Variants in GREB1 observed in about 807,000 individuals in gnomAD.
GREB1 encodes the protein protein GREB1.
A neutral mutation model predicts 200.7 loss-of-function variants in GREB1; 106 were observed. The observed-to-expected ratio is 0.53, with a 90% CI of 0.45 to 0.62. The LOEUF is 0.62. GREB1 is among the 20% of genes least tolerant of loss of function. The probability of loss-of-function intolerance (pLI) is 0.00; values close to 1 mark genes in which losing one functional copy is unlikely to be tolerated. For missense variants in GREB1, 2,243 were observed against 2,556.8 expected (o/e 0.88, Z 2.65); for synonymous variants, 1,132 against 1,092.4 (o/e 1.04, Z -0.72).
intron 2 of GREB1, among the ~76,000 whole-genome samples, chr2:11,558,503 T>C (rs932546889): frequency 2.0e-5 from 3 of 152,168 alleles, no homozygotes; most frequent in African/African-American, 7.2e-5. Context: ...AGCTCCACGT[T>C]GGTATGAAAA....
intron 17 of GREB1, among the ~76,000 whole-genome samples, chr2:11,607,983 T>C (rs928774863): frequency 6.6e-6 from 1 of 152,180 alleles, no homozygotes; most frequent in Non-Finnish European, 1.5e-5. Context: ...AGTGTCTTCC[T>C]CTGTGCACTG....
Position 11,640,398 on chromosome 2 carries a change from A to G in GREB1, c.5794A>G (p.Thr1932Ala). The stretch of plus-strand genomic sequence containing the variant: ...GTTCCGGCTGCGCGATGAGTTCCAG[A>G]CCGCCAATGCCAGGGAAGACCGGCC... ...WQFRLRDEFQTANAREDRPLF... is the reference protein window; with the variant it reads ...WQFRLRDEFQAANAREDRPLF... Residue 1932 changes from threonine (T) to alanine (A), a missense_variant, in exon 33 of 33, where the codon ACC becomes GCC. Around this residue, in one of 3 missense-constraint regions of GREB1, gnomAD observed 478 missense variants for 616.3 expected, o/e 0.78. Transcript: ENST00000381486. This position sits in a 1 kb window ranked among gnomAD's most constrained non-coding sequence, Gnocchi z 4.6. 1 of 1,614,168 alleles carries G rather than the reference A, an allele frequency of 6.2e-7. No homozygotes were observed. Among genetic ancestry groups the G allele is most frequent in the Non-Finnish European group, 8.5e-7 (1 of 1,180,022 alleles).
intron 1 of GREB1, among the ~76,000 whole-genome samples, chr2:11,517,245 CGGT>C (rs1673537910): frequency 6.6e-6 from 1 of 152,150 alleles, no homozygotes; most frequent in Admixed American, 6.5e-5. Flanking sequence ...TTGTCTGAGT[CGGT>C]GTTGTGCAGT....
intron 1 of GREB1, among the ~76,000 whole-genome samples, chr2:11,484,938 C>T (rs1672617107): frequency 6.6e-6 from 1 of 152,218 alleles, no homozygotes; most frequent in Admixed American, 6.5e-5. Flanking sequence ...CTCCGCCTCC[C>T]GGGTTCACGC....
At chr2:11,586,623 G>A (rs892172236) in intron 9 of GREB1, among the ~76,000 whole-genome samples, 5 of 152,284 alleles carry the variant, frequency 3.3e-5, no homozygotes, top group East Asian at 1.9e-4. Context: ...CACACACACC[G>A]TGCACGCAGG....
chr2:11,515,377 A>G (rs1424078458), intron 1 of GREB1, among the ~76,000 whole-genome samples: 1 of 152,256 alleles, frequency 6.6e-6, no homozygotes, highest in Admixed American at 6.5e-5. Flanking sequence ...ATTAATGAAA[A>G]TGTCATTAAC....
rs776606673 is a variant in GREB1 at position 11,637,702 on chromosome 2, C to T, written c.5347-14C>T. The T allele has an allele frequency of 1.9e-6, 3 of 1,611,222 alleles. No homozygotes were observed. In the Admixed American group the frequency reaches 5.0e-5, roughly 27 times the overall value. On this transcript the variant is annotated splice_polypyrimidine_tract_variant and intron_variant, in intron 30 of 32. Transcript: ENST00000381486. Reference sequence around the variant, plus strand: ...TCAGGGCAGTAGTGGCCTGACACCCCCCTTCCCGTGCAGGTGTCTGATAAC... The same window carrying T: ...TCAGGGCAGTAGTGGCCTGACACCCTCCTTCCCGTGCAGGTGTCTGATAAC...
At chr2:11,631,613 C>T (rs1421472703) in intron 26 of GREB1, among the ~76,000 whole-genome samples, 2 of 152,194 alleles carry the variant, frequency 1.3e-5, no homozygotes, top group East Asian at 3.9e-4. Context: ...CTCAGCTGGG[C>T]TGTTCAGCTC....
intron 1 of GREB1, among the ~76,000 whole-genome samples, chr2:11,537,521 G>A (rs1449777723): frequency 6.6e-6 from 1 of 151,622 alleles, no homozygotes; most frequent in Non-Finnish European, 1.5e-5. Context: ...TATCCAGTAA[G>A]TGAAGATTCA....
Position 11,566,516 on chromosome 2 carries a change from C to T in GREB1, c.314C>T (p.Ser105Phe). 1 of 1,613,692 alleles carries T rather than the reference C, an allele frequency of 6.2e-7. No individual in the cohort carries two copies. The highest frequency in any genetic ancestry group is 8.5e-7 in the Non-Finnish European group (1 of 1,179,834). ...GCCGGGAAGGACCTGCGCCTTGTCT[C>T]CATTTCCAACGAGCCCATGGATGTC... ...CQAGKDLRLV[S>F]ISNEPMDVPA... is the part of the protein sequence containing the mutation. The change falls in exon 4 of 33, where the codon TCC becomes TTC. Residue 105 changes from serine to phenylalanine, a missense_variant. By Grantham distance (155) the Ser-to-Phe change is radical. Coordinates refer to ENST00000381486, the MANE Select transcript of GREB1 (RefSeq NM_014668.4).
intron 9 of GREB1, chr2:11,588,201 C>A: frequency 1.3e-6 from 1 of 793,190 alleles, no homozygotes; most frequent in Non-Finnish European, 1.5e-6. Context: ...TGCACTCCAG[C>A]CCGGGGACAG....
At chr2:11,630,473 C>T (rs1175125632) in intron 26 of GREB1, among the ~76,000 whole-genome samples, 1 of 152,200 alleles carries the variant, frequency 6.6e-6, no homozygotes, top group Non-Finnish European at 1.5e-5. Flanking sequence ...CGTTCATCCC[C>T]TCCCTGTCTT....
At chr2:11,585,702 G>T (rs1428314911) in intron 8 of GREB1, 60 bp from the exon 9 acceptor site, 4 of 1,591,792 alleles carry the variant, frequency 2.5e-6, no homozygotes, top group Non-Finnish European at 3.4e-6. Context: ...CCTGATGTCA[G>T]GTATGTGAGA....
chr2:11,632,335 CTTTT>C (rs567209224), intron 27 of GREB1, among the ~76,000 whole-genome samples: 5 of 112,184 alleles, frequency 4.5e-5, no homozygotes, highest in East Asian at 2.4e-4. Flanking sequence ...TTCTTTCTCT[CTTTT>C]TTTTTTTTTT....
At chr2:11,564,527 G>A (rs1368742119) in intron 3 of GREB1, among the ~76,000 whole-genome samples, 2 of 152,154 alleles carry the variant, frequency 1.3e-5, no homozygotes, top group African/African-American at 4.8e-5. Context: ...AAAAATAAAT[G>A]TTAAGAGGTA....
chr2:11,587,902 A>G (rs1430496100), intron 9 of GREB1: 2 of 998,618 alleles, frequency 2.0e-6, no homozygotes, highest in Non-Finnish European at 2.4e-6. Context: ...GACCTGGGCA[A>G]TTCCACCTCT....
intron 1 of GREB1, among the ~76,000 whole-genome samples, chr2:11,501,240 A>G (rs1673029805): frequency 6.6e-6 from 1 of 152,146 alleles, no homozygotes; most frequent in Admixed American, 6.5e-5. Context: ...ATGTCATGTC[A>G]TAGGTATTTT....
Position 11,593,077 on chromosome 2 carries a change from C to T in GREB1, c.1647C>T (p.Ile549=). 2.5e-6 allele frequency: 4 copies of T among 1,611,308 alleles called. No individual in the cohort carries two copies. Among genetic ancestry groups the T allele is most frequent in the Non-Finnish European group, 3.4e-6 (4 of 1,179,198 alleles). ...GKLAKTNYVV[I]ICACRSAAID... is the part of the protein sequence containing the mutation. ...TTGCCAAGACCAACTACGTGGTCAT[C>T]ATCTGCGCCTGCCGCAGCGCGGCCA... The change falls in exon 11 of 33, where the codon ATC becomes ATT. Residue 549 remains isoleucine (I), a synonymous_variant. Transcript: ENST00000381486.
At chr2:11,598,555 T>G in intron 14 of GREB1, 125 bp from the exon 15 acceptor site, 1 of 839,024 alleles carries the variant, frequency 1.2e-6, no homozygotes, top group South Asian at 1.6e-5. Context: ...TTCCTTTCCC[T>G]GCTCTTGCAT....
Sources: allele counts gnomAD v4.1 joint callset (sites outside exome capture counted in the v4.1 genomes callset), GRCh38; gene constraint gnomAD v4.1.1; regional missense constraint gnomAD v4.1.1; non-coding constraint Gnocchi (gnomAD v3.1); transcripts MANE v1.5; gene names NCBI Gene and HGNC (gene_info 2026-07-23, HGNC 2026-07-21).